Variants in GALNT1 observed in about 807,000 individuals in gnomAD.
The protein encoded by GALNT1 is polypeptide N-acetylgalactosaminyltransferase 1.
A neutral mutation model predicts 65.7 loss-of-function variants in GALNT1; 17 were observed. The ratio of observed to expected loss-of-function variants is 0.26; its 90% CI spans 0.18 to 0.39. The LOEUF (loss-of-function observed/expected upper bound fraction) is 0.39. GALNT1 is among the 10% of genes least tolerant of loss of function. The pLI is 1.00. For synonymous variants in GALNT1, 210 were observed against 219.7 expected (o/e 0.96, Z 0.39); for missense variants, 460 against 672.8 (o/e 0.68, Z 3.50).
At chr18:35,693,534 A>G (rs75606906) in intron 9 of GALNT1, among the ~76,000 whole-genome samples, 134 of 152,334 alleles carry the variant, frequency 8.8e-4, no homozygotes, top group African/African-American at 2.6e-3. Flanking sequence ...GAGAAAAACT[A>G]TATGGAAACA....
rs1455013936 is a variant in GALNT1 at position 35,590,386 on chromosome 18, A to T, written c.-104+8524A>T. On this transcript the variant is annotated intron_variant, in intron 1 of 11. Coordinates refer to ENST00000269195, the MANE Select transcript of GALNT1 (RefSeq NM_020474.4). ...TATGATTGATTTTGATTCTGTAAAG[A>T]TGTCTAAGTATTGGCTTCCAGTATG... is the stretch of plus-strand genomic sequence containing the variant. 2.0e-5 allele frequency among the ~76,000 whole-genome samples: 3 copies of T among 152,182 alleles called. No homozygotes were observed. The East Asian group carries it at 5.8e-4, about 29-fold the overall frequency.
chr18:35,611,015 AGACCCCTTGAAAGGGTCTTGAT>A (rs138418610), intron 1 of GALNT1, among the ~76,000 whole-genome samples: 14,540 of 152,162 alleles, frequency 0.096, 829 homozygotes, highest in African/African-American at 0.17. Context: ...TTGACCTTGC[AGACCCCTTGAAAGGGTCTTGAT>A]GACCCCTTGA....
At chr18:35,672,762 G>T (rs1278491538) in intron 3 of GALNT1, among the ~76,000 whole-genome samples, 1 of 151,550 alleles carries the variant, frequency 6.6e-6, no homozygotes, top group African/African-American at 2.4e-5. Context: ...AAATCATCTA[G>T]TAAGCCAAAT....
chr18:35,611,474 C>A (rs186934276), intron 1 of GALNT1, among the ~76,000 whole-genome samples: 151 of 152,216 alleles, frequency 9.9e-4, no homozygotes, highest in Non-Finnish European at 1.7e-3. Flanking sequence ...TTTGCAGCAA[C>A]CTTAGAGAAA....
At chr18:35,628,664 C>G (rs1002533144) in intron 1 of GALNT1, among the ~76,000 whole-genome samples, 2 of 152,130 alleles carry the variant, frequency 1.3e-5, no homozygotes, top group Non-Finnish European at 2.9e-5. Flanking sequence ...GAGCACCTCT[C>G]CTCCTCCAAG....
At chr18:35,650,144 C>T (rs370218835) in intron 1 of GALNT1, among the ~76,000 whole-genome samples, 16 of 152,174 alleles carry the variant, frequency 1.1e-4, no homozygotes, top group East Asian at 3.9e-4. Context: ...AAGTGTCCTC[C>T]GGTCTGAGAA....
chr18:35,595,060 G>C (rs770603990), intron 1 of GALNT1, among the ~76,000 whole-genome samples: 7 of 152,156 alleles, frequency 4.6e-5, no homozygotes, highest in Non-Finnish European at 8.8e-5. Context: ...GTGTCAGTGT[G>C]AGGGTAAGTT....
At chr18:35,598,991 GTT>G (rs377086201) in intron 1 of GALNT1, among the ~76,000 whole-genome samples, 4,309 of 114,902 alleles carry the variant, frequency 0.038, 136 homozygotes, top group African/African-American at 0.097. Context: ...GTATCCAGGC[GTT>G]TTTTTTTTTT....
rs529478439 is a variant in GALNT1, at chr18:35,698,972, ACT to A, written c.1300-3922_1300-3921del. ...ACTGCAGCCTGGGCGACAGAGTGAG[ACT>A]CTGTCTCAAAAATAAAATAAATAAA... On this transcript the variant is annotated intron_variant, in intron 9 of 11. Coordinates refer to ENST00000269195, the MANE Select transcript of GALNT1 (RefSeq NM_020474.4). Among the ~76,000 whole-genome samples, 30 of 151,728 alleles carry A rather than the reference ACT, an allele frequency of 2.0e-4. No homozygotes were observed. The South Asian group carries it at 3.8e-3, about 19-fold the overall frequency.
At chr18:35,686,846 A>G (rs1319677461) in intron 5 of GALNT1, among the ~76,000 whole-genome samples, 170 bp from the exon 6 acceptor site, 1 of 152,214 alleles carries the variant, frequency 6.6e-6, no homozygotes, top group Non-Finnish European at 1.5e-5. Context: ...TCGAGGCTGC[A>G]GTGGCCCCTG....
chr18:35,668,325 G>A (rs902443955), intron 3 of GALNT1, among the ~76,000 whole-genome samples: 1 of 152,100 alleles, frequency 6.6e-6, no homozygotes, highest in African/African-American at 2.4e-5. Flanking sequence ...TCCATAAAAG[G>A]TGGCGTCATT....
chr18:35,669,790 T>TAAC (rs2047605056), intron 3 of GALNT1, among the ~76,000 whole-genome samples: 2 of 152,194 alleles, frequency 1.3e-5, no homozygotes, highest in Admixed American at 1.3e-4. Context: ...AGATGCCTGT[T>TAAC]AACACCACTT....
intron 1 of GALNT1, among the ~76,000 whole-genome samples, chr18:35,609,182 T>C (rs892159041): frequency 6.6e-6 from 1 of 152,210 alleles, no homozygotes; most frequent in Non-Finnish European, 1.5e-5. Flanking sequence ...TTAAATCTTA[T>C]CCCTCTTTAC....
At chr18:35,656,174 C>A (rs1262482298) in intron 2 of GALNT1, among the ~76,000 whole-genome samples, 1 of 152,188 alleles carries the variant, frequency 6.6e-6, no homozygotes, top group Non-Finnish European at 1.5e-5. Context: ...TACCTTAATT[C>A]ATTGCCATTT....
chr18:35,654,939 T>C, intron 2 of GALNT1, 138 bp downstream of exon 2: 1 of 532,492 alleles, frequency 1.9e-6, no homozygotes, highest in Non-Finnish European at 2.9e-6. Context: ...GAGGATCATA[T>C]TGATAGTTCT....
chr18:35,670,955 TAC>T (rs2047626142), intron 3 of GALNT1, among the ~76,000 whole-genome samples: 1 of 152,122 alleles, frequency 6.6e-6, no homozygotes, highest in Admixed American at 6.5e-5. Context: ...CCTCACATCA[TAC>T]AGAAAAATCA....
rs1362959258 is a variant in GALNT1 at position 35,598,998 on chromosome 18, T to G, written c.-104+17136T>G. 5.9e-5 allele frequency among the ~76,000 whole-genome samples: 9 copies of G among 151,880 alleles called. No homozygotes were observed. The East Asian group carries it at 9.6e-4, about 16-fold the overall frequency. On this transcript the variant is annotated intron_variant, in intron 1 of 11. Coordinates refer to ENST00000269195, the MANE Select transcript of GALNT1 (RefSeq NM_020474.4). ...CAGGTGATGTATCCAGGCGTTTTTT[T>G]TTTTTTTTTTCATGTACGTGTTGGC... is the stretch of plus-strand genomic sequence containing the variant.
intron 1 of GALNT1, chr18:35,597,727 A>G (rs2046522923): frequency 1.3e-5 from 2 of 152,228 alleles, no homozygotes; most frequent in African/African-American, 2.4e-5. Context: ...ATGAATTTGG[A>G]TTCATCGGTC....
intron 4 of GALNT1, among the ~76,000 whole-genome samples, chr18:35,679,242 T>G (rs2047754147): frequency 6.6e-6 from 1 of 152,218 alleles, no homozygotes; most frequent in Admixed American, 6.5e-5. Context: ...TGACTTGTGC[T>G]TGGTTTACTT....
Sources: gnomAD v4.1 joint callset for allele counts (sites outside exome capture counted in the v4.1 genomes callset) on GRCh38, gnomAD v4.1.1 for gene constraint, MANE v1.5 for transcripts, NCBI Gene and HGNC (gene_info 2026-07-23, HGNC 2026-07-21) for gene names.